The following PTPRG variants were observed in gnomAD, a reference collection of about 807,000 sequenced individuals.
PTPRG encodes protein tyrosine phosphatase receptor type G.
In PTPRG, 102 loss-of-function variants were observed where a neutral mutation model predicts 165.3. The observed-to-expected ratio is 0.62, with a 90% CI of 0.53 to 0.73. The LOEUF (loss-of-function observed/expected upper bound fraction) is 0.73, where lower values mean the gene tolerates loss of function less well. PTPRG is among the 30% of genes least tolerant of loss of function. The pLI, the probability that PTPRG is intolerant of heterozygous loss-of-function variation, is 0.00. For synonymous variants in PTPRG, 675 were observed against 669.5 expected (o/e 1.01, Z -0.13); for missense variants, 1,866 against 1,861.4 (o/e 1.00, Z -0.05).
rs1337711053 is a variant in PTPRG at position 61,748,967 on chromosome 3, T to C, written c.175T>C (p.Tyr59His). 6.2e-7 allele frequency: 1 copy of C among 1,611,684 alleles called. No homozygotes were observed. Among genetic ancestry groups the C allele is most frequent in the Non-Finnish European group, 8.5e-7 (1 of 1,178,872 alleles). The change falls in exon 2 of 30, where the codon TAC becomes CAC. Residue 59 changes from tyrosine (Y) to histidine (H), a missense_variant. Coordinates refer to ENST00000474889, the MANE Select transcript of PTPRG (RefSeq NM_002841.4). ...CAGGCGCAAGGCTTCAGGCGACCCG[T>C]ACTGGGCCTACTCTGGTAAGTCCAG... ...IRRRKASGDP[Y>H]WAYSGAYGPE...
chr3:61,890,353 T>C (rs2038174491), intron 2 of PTPRG, among the ~76,000 whole-genome samples: 1 of 151,774 alleles, frequency 6.6e-6, no homozygotes. Context: ...AGCACTTTGC[T>C]GTGCAAGGCG....
chr3:61,754,711 T>A (rs1199434490), intron 2 of PTPRG, among the ~76,000 whole-genome samples: 1 of 152,214 alleles, frequency 6.6e-6, no homozygotes, highest in Non-Finnish European at 1.5e-5. Flanking sequence ...TGGATCCCTT[T>A]AAATAACAAG....
intron 2 of PTPRG, among the ~76,000 whole-genome samples, chr3:61,874,426 G>C (rs1275768003): frequency 6.6e-6 from 1 of 152,146 alleles, no homozygotes; most frequent in East Asian, 1.9e-4. Context: ...TCAAATTTGT[G>C]ACTTCCACTG....
chr3:61,722,222 T>TACACACAC (rs111827362), intron 1 of PTPRG, among the ~76,000 whole-genome samples: 231 of 149,074 alleles, frequency 1.5e-3, no homozygotes, highest in South Asian at 3.2e-3. Context: ...GCAAAACAAA[T>TACACACAC]ACACACACAC....
intron 4 of PTPRG, among the ~76,000 whole-genome samples, chr3:62,003,982 G>C (rs1359626833): frequency 6.6e-6 from 1 of 152,134 alleles, no homozygotes; most frequent in Non-Finnish European, 1.5e-5. Flanking sequence ...TGTTAATTTT[G>C]TTAGGATTGA....
At chr3:61,846,094 T>C (rs1172792260) in intron 2 of PTPRG, among the ~76,000 whole-genome samples, 2 of 152,162 alleles carry the variant, frequency 1.3e-5, no homozygotes, top group African/African-American at 4.8e-5. Context: ...GGGATAATAA[T>C]AGTAATTATT....
At chr3:61,800,123 G>T (rs756030879) in intron 2 of PTPRG, among the ~76,000 whole-genome samples, 1 of 152,182 alleles carries the variant, frequency 6.6e-6, no homozygotes, top group Non-Finnish European at 1.5e-5. Context: ...CTGGAAAATT[G>T]TAATTACTGA....
chr3:61,960,693 C>A (rs564128415), intron 2 of PTPRG, among the ~76,000 whole-genome samples: 1 of 152,020 alleles, frequency 6.6e-6, no homozygotes, highest in Non-Finnish European at 1.5e-5. Flanking sequence ...CAATTTTGTC[C>A]CCCTTGCTTC....
In PTPRG at chr3:62,196,005, G is replaced by A. The variant is rs146870544; in HGVS notation, c.1327+835G>A. On this transcript the variant is annotated intron_variant, in intron 10 of 29. Transcript: ENST00000474889. ...GGGTTTCACCATGTTGGCCAGGCTGGTCTTGAACTCCTGACTTCGTGATCT... is the reference window on the plus strand; with the variant it reads ...GGGTTTCACCATGTTGGCCAGGCTGATCTTGAACTCCTGACTTCGTGATCT... Among the ~76,000 whole-genome samples, 832 of 151,720 alleles carry A rather than the reference G, an allele frequency of 5.5e-3. 3 individuals carry two copies. Among genetic ancestry groups the A allele is most frequent in the African/African-American group, 0.016 (653 of 41,428 alleles).
chr3:61,620,683 C>T (rs1470997186), intron 1 of PTPRG, among the ~76,000 whole-genome samples: 1 of 151,800 alleles, frequency 6.6e-6, no homozygotes, highest in Admixed American at 6.6e-5. Flanking sequence ...GGCTGGAGTG[C>T]AATAGTGCGA....
At chr3:61,949,939 G>T (rs1434617114) in intron 2 of PTPRG, among the ~76,000 whole-genome samples, 1 of 152,022 alleles carries the variant, frequency 6.6e-6, no homozygotes, top group African/African-American at 2.4e-5. Flanking sequence ...GTAGAGACTG[G>T]ATTTCACCAT....
At chr3:61,612,859 T>TTGTG (rs57134478) in intron 1 of PTPRG, among the ~76,000 whole-genome samples, 5 of 150,334 alleles carry the variant, frequency 3.3e-5, no homozygotes, top group African/African-American at 1.2e-4. Flanking sequence ...TGGAATTAAT[T>TTGTG]TGTGTGTGTG....
chr3:61,671,137 T>G (rs1428359314), intron 1 of PTPRG, among the ~76,000 whole-genome samples: 2 of 104,534 alleles, frequency 1.9e-5, no homozygotes, highest in Non-Finnish European at 3.9e-5. Context: ...GTATGAACTT[T>G]CTTTTTTTTT....
intron 1 of PTPRG, among the ~76,000 whole-genome samples, chr3:61,684,242 T>TGGG (rs1466860283): frequency 7.2e-5 from 11 of 152,138 alleles, no homozygotes; most frequent in African/African-American, 2.4e-4. Context: ...GTGGTGATGG[T>TGGG]GGGGGATCTC....
intron 1 of PTPRG, among the ~76,000 whole-genome samples, chr3:61,630,783 C>T (rs533532314): frequency 3.3e-5 from 5 of 152,100 alleles, no homozygotes; most frequent in South Asian, 4.2e-4. Flanking sequence ...TTTAGCGGGG[C>T]GCGGTGGCTC....
intron 1 of PTPRG, chr3:61,742,589 T>C (rs2033038049): frequency 2.5e-6 from 4 of 1,596,930 alleles, no homozygotes; most frequent in Non-Finnish European, 3.4e-6. Context: ...TCGGCTGTCA[T>C]CTTCACGTGA....
Position 61,616,647 on chromosome 3 carries a change from C to T in PTPRG, c.85+54275C>T, listed in dbSNP as rs140179695. Reference sequence around the variant, plus strand: ...CACTTGGTTACCCCTTCTGGACAGACGGTACTCTTCTGCAGAATAAGGCAT... The same window carrying T: ...CACTTGGTTACCCCTTCTGGACAGATGGTACTCTTCTGCAGAATAAGGCAT... On this transcript the variant is annotated intron_variant, in intron 1 of 29. Transcript: ENST00000474889. 2.0e-3 allele frequency among the ~76,000 whole-genome samples: 301 copies of T among 152,312 alleles called. 1 individual carries two copies. Among genetic ancestry groups the T allele is most frequent in the African/African-American group, 6.7e-3 (277 of 41,576 alleles).
At chr3:61,750,664 A>G (rs1232381743) in intron 2 of PTPRG, 1 of 152,216 alleles carries the variant, frequency 6.6e-6, no homozygotes, top group Non-Finnish European at 1.5e-5. Flanking sequence ...GCAACTGCCC[A>G]ACTCTGCCAT....
chr3:62,208,941 C>A (rs1019269364), intron 12 of PTPRG, among the ~76,000 whole-genome samples: 1 of 152,164 alleles, frequency 6.6e-6, no homozygotes, highest in Non-Finnish European at 1.5e-5. Flanking sequence ...GATGAAGGAA[C>A]GTGCCCAGAG....
Sources: gnomAD v4.1 joint callset for allele counts (sites outside exome capture counted in the v4.1 genomes callset) on GRCh38, gnomAD v4.1.1 for gene constraint, MANE v1.5 for transcripts, NCBI Gene and HGNC (gene_info 2026-07-23, HGNC 2026-07-21) for gene names.